MCF2L2: variants seen among roughly 807,000 people sequenced by gnomAD.
MCF2L2 encodes the protein probable guanine nucleotide exchange factor MCF2L2.
MCF2L2 carries 102 observed loss-of-function variants against 150.2 expected under a neutral mutation model. The ratio of observed to expected loss-of-function variants is 0.68; its 90% CI spans 0.58 to 0.80. MCF2L2 has a LOEUF of 0.80. Among genes scored for constraint, MCF2L2 ranks in the 30% least tolerant of loss-of-function variants. The probability of loss-of-function intolerance (pLI) is 0.00; values close to 1 mark genes in which losing one functional copy is unlikely to be tolerated. For missense variants in MCF2L2, 1,256 were observed against 1,372.8 expected (o/e 0.91, Z 1.34); for synonymous variants, 465 against 491.3 (o/e 0.95, Z 0.71).
intron 3 of MCF2L2, chr3:183,374,337 GCT>G (rs1237393784): frequency 6.6e-6 from 1 of 152,184 alleles, no homozygotes; most frequent in Admixed American, 6.6e-5. Flanking sequence ...CCCCAAATAT[GCT>G]CTGTTGAAAA....
intron 1 of MCF2L2, among the ~76,000 whole-genome samples, chr3:183,413,656 G>A (rs989920659): frequency 3.9e-5 from 6 of 152,128 alleles, no homozygotes; most frequent in African/African-American, 1.4e-4. Flanking sequence ...CCAGTTCCTC[G>A]CCCTGTAAAG....
intron 1 of MCF2L2, among the ~76,000 whole-genome samples, chr3:183,409,890 C>G (rs1715237430): frequency 7.8e-6 from 1 of 127,824 alleles, no homozygotes; most frequent in Non-Finnish European, 1.6e-5. Flanking sequence ...TCCATATCCT[C>G]TAGCCTTTCC....
At chr3:183,345,569 C>T (rs972671372) in intron 3 of MCF2L2, among the ~76,000 whole-genome samples, 3 of 152,116 alleles carry the variant, frequency 2.0e-5, no homozygotes, top group Non-Finnish European at 2.9e-5. Context: ...TAACTAAGAT[C>T]AGAGCAGAAC....
At chr3:183,213,685 TA>T (rs1359125787) in intron 22 of MCF2L2, among the ~76,000 whole-genome samples, 4 of 152,116 alleles carry the variant, frequency 2.6e-5, no homozygotes, top group Admixed American at 1.3e-4. Context: ...CAGAAACAGA[TA>T]AAGAGTGGAA....
chr3:183,218,137 C>A (rs1490012834), intron 21 of MCF2L2, among the ~76,000 whole-genome samples: 1 of 152,172 alleles, frequency 6.6e-6, no homozygotes, highest in Admixed American at 6.5e-5. Flanking sequence ...TTAATATTTT[C>A]TTAATCTATG....
intron 15 of MCF2L2, among the ~76,000 whole-genome samples, chr3:183,243,430 G>A (rs1029676483): frequency 3.4e-4 from 51 of 152,150 alleles, no homozygotes; most frequent in Admixed American, 3.1e-3. Flanking sequence ...CAGGTCAGCC[G>A]CTCCCATGAT....
chr3:183,395,917 C>CAAAAAAAAAAAAAAA (rs11338932), intron 1 of MCF2L2, among the ~76,000 whole-genome samples: 2 of 58,102 alleles, frequency 3.4e-5, no homozygotes, highest in African/African-American at 1.4e-4. Flanking sequence ...GACATCGTCT[C>CAAAAAAAAAAAAAAA]AAAAAAAAAA....
chr3:183,203,185 C>T (rs540458173), intron 25 of MCF2L2, among the ~76,000 whole-genome samples: 1 of 152,122 alleles, frequency 6.6e-6, no homozygotes, highest in Admixed American at 6.5e-5. Flanking sequence ...TGCACTCCAG[C>T]CTGGGCTACA....
intron 5 of MCF2L2, among the ~76,000 whole-genome samples, chr3:183,328,498 C>T (rs75554986): frequency 9.4e-4 from 140 of 148,876 alleles, no homozygotes; most frequent in African/African-American, 3.4e-3. Context: ...GGTGTCTAGA[C>T]AGTTGGAGAA....
intron 22 of MCF2L2, among the ~76,000 whole-genome samples, chr3:183,211,155 G>A (rs899892072): frequency 6.6e-6 from 1 of 152,276 alleles, no homozygotes; most frequent in African/African-American, 2.4e-5. Flanking sequence ...GAGGGGGGGC[G>A]AGCAGGCATG....
At chr3:183,189,880 G>A (rs982037232) in intron 27 of MCF2L2, among the ~76,000 whole-genome samples, 17 of 152,262 alleles carry the variant, frequency 1.1e-4, no homozygotes, top group African/African-American at 4.1e-4. Context: ...TCCCTCTCAG[G>A]ATCTAATGAC....
intron 15 of MCF2L2, among the ~76,000 whole-genome samples, chr3:183,245,724 G>A (rs1439189238): frequency 6.6e-6 from 1 of 152,084 alleles, no homozygotes; most frequent in Non-Finnish European, 1.5e-5. Flanking sequence ...TCCTAGAACT[G>A]TTAATGGTAA....
At position 183,270,660 on chromosome 3, in the gene MCF2L2, C is replaced by T; in HGVS notation, c.1862+6212G>A. 3 of 1,614,116 alleles carry T rather than the reference C, an allele frequency of 1.9e-6. No individual in the cohort carries two copies. The highest frequency in any genetic ancestry group is 2.5e-6 in the Non-Finnish European group (3 of 1,180,034). On this transcript the variant is annotated intron_variant, in intron 15 of 29. Coordinates refer to ENST00000328913, the MANE Select transcript of MCF2L2 (RefSeq NM_015078.4). This position sits in a 1 kb window ranked among gnomAD's most constrained non-coding sequence, Gnocchi z 4.5. ...TTACATAGACGATGTGTTCATGGGC[C>T]TCTGTGCCAATAAAATAGGGATAGT...
chr3:183,228,341 A>C lies in MCF2L2; in HGVS notation c.2071T>G (p.Cys691Gly), dbSNP rs61753470. Residue 691 changes from cysteine to glycine, a missense_variant, in exon 18 of 30, where the codon TGT (cysteine) becomes GGT (glycine). Cys to Gly is a radical substitution (Grantham distance 159). Transcript: ENST00000328913. ...NRTFLKELEKCAENPELLAHC... is the reference protein window; with the variant it reads ...NRTFLKELEKGAENPELLAHC... The stretch of plus-strand genomic sequence containing the variant: ...GCCAGAAGTTCAGGGTTCTCAGCAC[A>C]CTTTTCCAACTCTTTTAGAAAAGTC... 2,990 of 1,613,296 alleles carry C rather than the reference A, an allele frequency of 1.9e-3. 8 individuals are homozygous for C. Among genetic ancestry groups the C allele is most frequent in the Non-Finnish European group, 1.9e-3 (2,265 of 1,179,386 alleles).
intron 15 of MCF2L2, among the ~76,000 whole-genome samples, chr3:183,233,735 C>A (rs555078927): frequency 6.6e-6 from 1 of 151,994 alleles, no homozygotes; most frequent in Non-Finnish European, 1.5e-5. Flanking sequence ...TACTCTATAC[C>A]CTTCTACAAT....
chr3:183,302,775 G>A (rs7622864), intron 10 of MCF2L2, among the ~76,000 whole-genome samples: 42,395 of 151,886 alleles, frequency 0.28, 6,588 homozygotes, highest in East Asian at 0.49. Context: ...CTTCCCTGGC[G>A]ACTATATCTT....
intron 14 of MCF2L2, among the ~76,000 whole-genome samples, chr3:183,281,960 T>A (rs1451690970): frequency 6.7e-6 from 1 of 149,218 alleles, no homozygotes; most frequent in Non-Finnish European, 1.5e-5. Context: ...AGTGGTGTGA[T>A]CATAGCTTCC....
Position 183,338,962 on chromosome 3 carries a change from TC to T in MCF2L2, c.367-44del, listed in dbSNP as rs758083240. 4.3e-5 allele frequency: 68 copies of T among 1,573,386 alleles called. No homozygotes were observed. The African/African-American group carries it at 7.0e-4, about 16-fold the overall frequency. On this transcript the variant is annotated intron_variant, in intron 4 of 29. Coordinates refer to ENST00000328913, the MANE Select transcript of MCF2L2 (RefSeq NM_015078.4). ...AGTGTCAGGAGGAGAGAGAAAAATG[TC>T]ATATTCGTTACCAGGGTCTACTTTG...
intron 1 of MCF2L2, among the ~76,000 whole-genome samples, chr3:183,390,917 A>G (rs1198763910): frequency 6.6e-6 from 1 of 151,916 alleles, no homozygotes; most frequent in East Asian, 1.9e-4. Context: ...AAAACAAAAC[A>G]AAAACAATAA....
Sources: allele counts gnomAD v4.1 joint callset (sites outside exome capture counted in the v4.1 genomes callset), GRCh38; gene constraint gnomAD v4.1.1; non-coding constraint Gnocchi (gnomAD v3.1); transcripts MANE v1.5; gene names NCBI Gene and HGNC (gene_info 2026-07-23, HGNC 2026-07-21).